The following TRPM1 variants were observed in gnomAD, a reference collection of about 807,000 sequenced individuals.
The protein encoded by TRPM1 is transient receptor potential cation channel subfamily M member 1, also known as TRPM1-203 APA Isoform, Intron 10.
Under a neutral mutation model 149.4 loss-of-function variants are expected in TRPM1, and 113 were observed. That is an observed-to-expected ratio of 0.76 (90% CI 0.65 to 0.88). TRPM1 has a LOEUF of 0.88. Ranked by LOEUF, TRPM1 falls within the 40% of genes least tolerant of loss-of-function variation. TRPM1 has a pLI of 0.00. For synonymous variants in TRPM1, 741 were observed against 759.5 expected, an observed-to-expected ratio of 0.98 and a Z score of 0.40; for missense variants, 1,976 against 2,038.7, an observed-to-expected ratio of 0.97 and a Z score of 0.59.
Position 31,152,550 on chromosome 15 carries a change from A to T in TRPM1, c.54+8356T>A, listed in dbSNP as rs142896331. ...CAAAGTTAACCTGAAAAACTAGTTC[A>T]GGCCATGACGGGAAGCAGGGGATTT... On this transcript the variant is annotated intron_variant, in intron 1 of 26. Coordinates refer to the TRPM1 transcript ENST00000542188. Among the ~76,000 whole-genome samples the T allele has an allele frequency of 1.4e-3, 210 of 152,316 alleles. 1 individual carries two copies. The highest frequency in any genetic ancestry group is 0.011 in the South Asian group (52 of 4,830).
intron 27 of TRPM1, among the ~76,000 whole-genome samples, 199 bp downstream of exon 27, chr15:31,025,940 C>T (rs1393057737): frequency 6.6e-6 from 1 of 152,246 alleles, no homozygotes. Flanking sequence ...AAATGTCATT[C>T]CCTTCTATAT....
Position 31,001,616 on chromosome 15 carries a change from T to A in TRPM1, c.*206A>T. On this transcript the variant is annotated 3_prime_UTR_variant, in exon 28 of 28. Coordinates refer to ENST00000256552, the MANE Select transcript of TRPM1 (RefSeq NM_001252024.2). ...TTCGTTACAGTATCATCACTTTCAT[T>A]TGATACTACTGCAACTGAAAAAACT... 1 of 616,026 alleles carries A rather than the reference T, an allele frequency of 1.6e-6. No individual in the cohort carries two copies. The highest frequency in any genetic ancestry group is 2.8e-5 in the East Asian group (1 of 36,298). 38.2% of individuals were successfully genotyped at this position (616,026 alleles called of 1,614,324 possible). A position where few individuals can be genotyped will look rare whatever the true frequency, so the allele number is the denominator to read the frequency against.
chr15:31,144,669 A>G (rs1277177925), intron 1 of TRPM1, among the ~76,000 whole-genome samples: 1 of 151,868 alleles, frequency 6.6e-6, no homozygotes, highest in Non-Finnish European at 1.5e-5. Context: ...GAAAGCTATA[A>G]TACACCTATT....
chr15:31,003,867 T>C (rs1021345450), intron 27 of TRPM1, among the ~76,000 whole-genome samples: 2 of 151,990 alleles, frequency 1.3e-5, no homozygotes, highest in Non-Finnish European at 2.9e-5. Context: ...TTTTTTTTTT[T>C]CAGTTCTTAG....
In TRPM1 at chr15:31,101,642, C is replaced by G. The variant is rs1040690270; in HGVS notation, c.-84+15G>C. ...TGACCTCCCTTCACCTGTGCTTACC[C>G]GCATCTGAGCTTACCTGCCACAGCA... On this transcript the variant is annotated intron_variant, in intron 1 of 27. Coordinates refer to ENST00000256552, the MANE Select transcript of TRPM1 (RefSeq NM_001252024.2). 20 of 985,644 alleles carry G rather than the reference C, an allele frequency of 2.0e-5. No homozygotes were observed. In the South Asian group the frequency reaches 4.7e-4, roughly 23 times the overall value. The allele number at this position is 985,644 out of a possible 1,614,324, so 61.1% of individuals were successfully genotyped here.
intron 27 of TRPM1, among the ~76,000 whole-genome samples, chr15:31,003,852 T>C (rs2141102063): frequency 6.6e-6 from 1 of 150,548 alleles, no homozygotes; most frequent in South Asian, 2.1e-4. Context: ...ATGCCTGCTA[T>C]TAGTTTTTTT....
At chr15:31,146,820 C>T (rs7163512) in intron 1 of TRPM1, among the ~76,000 whole-genome samples, 4,922 of 152,238 alleles carry the variant, frequency 0.032, 259 homozygotes, top group African/African-American at 0.11. Flanking sequence ...AACCCCATCT[C>T]TACTAAAAAT....
Position 31,040,325 on chromosome 15 carries a change from C to T in TRPM1, c.2109G>A (p.Leu703=). 6.2e-7 allele frequency: 1 copy of T among 1,614,172 alleles called. No homozygotes were observed. The highest frequency in any genetic ancestry group is 1.3e-5 in the African/African-American group (1 of 75,018). Residue 703 remains leucine (L), a synonymous_variant, in exon 18 of 28, where the codon TTG becomes TTA. Transcript: ENST00000256552. This position sits in a 1 kb window ranked among gnomAD's most constrained non-coding sequence, Gnocchi z 4.2. ...NNSKDFGQLA[L]ELLDQSYKHD... ...GCTTATAGGACTGGTCTAATAACTCCAAAGCAAGCTGGCCGAAGTCTCTGG... is the reference window on the plus strand; with the variant it reads ...GCTTATAGGACTGGTCTAATAACTCTAAAGCAAGCTGGCCGAAGTCTCTGG...
chr15:31,094,047 A>G (rs1052981519), intron 1 of TRPM1, among the ~76,000 whole-genome samples: 4 of 152,256 alleles, frequency 2.6e-5, no homozygotes, highest in African/African-American at 9.6e-5. Flanking sequence ...GATTTCAGAA[A>G]TAAGTCCATA....
Position 31,067,926 on chromosome 15 carries a change from G to A in TRPM1, c.446C>T (p.Ala149Val). 6.2e-7 allele frequency: 1 copy of A among 1,613,936 alleles called. No homozygotes were observed. Among genetic ancestry groups the A allele is most frequent in the Non-Finnish European group, 8.5e-7 (1 of 1,180,006 alleles). The change falls in exon 5 of 28, where the codon GCT (alanine) becomes GTT (valine). Residue 149 changes from alanine (A) to valine (V), a missense_variant. Transcript: ENST00000256552. Reference sequence around the variant, plus strand: ...GATCCAGGCCCCGGTGGTCATAGCAGCCTTGATCAGGCCTTTCCCAAAGAC... The same window carrying A: ...GATCCAGGCCCCGGTGGTCATAGCAACCTTGATCAGGCCTTTCCCAAAGAC... Reference protein sequence around the residue: ...KQVFGKGLIKAAMTTGAWIFT... With the variant: ...KQVFGKGLIKVAMTTGAWIFT...
intron 11 of TRPM1, among the ~76,000 whole-genome samples, chr15:31,058,322 T>A (rs757141220): frequency 1.1e-4 from 16 of 152,196 alleles, no homozygotes; most frequent in Non-Finnish European, 2.9e-5. Flanking sequence ...GAAATTAAAG[T>A]GTCACCTAAT....
intron 16 of TRPM1, 118 bp from the exon 17 acceptor site, chr15:31,042,361 A>G: frequency 5.9e-6 from 6 of 1,021,670 alleles, no homozygotes; most frequent in Non-Finnish European, 8.7e-6. Context: ...CTTCTGAAGT[A>G]CATCTTACAT....
chr15:31,075,827 T>C (rs2034672745), intron 3 of TRPM1, among the ~76,000 whole-genome samples: 1 of 152,214 alleles, frequency 6.6e-6, no homozygotes, highest in African/African-American at 2.4e-5. Flanking sequence ...CTTTACTTGC[T>C]GTTTGTCTTT....
At chr15:31,008,023 A>G (rs1301765903) in intron 27 of TRPM1, among the ~76,000 whole-genome samples, 1 of 152,160 alleles carries the variant, frequency 6.6e-6, no homozygotes, top group African/African-American at 2.4e-5. Context: ...ATTTTTGTTG[A>G]CTTTGTACTC....
At chr15:31,037,095 C>A (rs1042098924) in intron 20 of TRPM1, among the ~76,000 whole-genome samples, 1 of 152,256 alleles carries the variant, frequency 6.6e-6, no homozygotes. Flanking sequence ...GCCTGCAGCT[C>A]GGCCATTTCC....
chr15:31,009,583 G>A lies in TRPM1; in HGVS notation c.3630-6513C>T, dbSNP rs1032610582. 3.0e-4 allele frequency among the ~76,000 whole-genome samples: 46 copies of A among 152,008 alleles called. 1 individual carries two copies. The highest frequency in any genetic ancestry group is 1.1e-3 in the African/African-American group (44 of 41,356). On this transcript the variant is annotated intron_variant, in intron 27 of 27. Transcript: ENST00000256552. ...ACATTTATTTAATCTGTGGGTTTAC[G>A]TCTTTGATCAAACTTGGGAGGTTTT...
intron 1 of TRPM1, among the ~76,000 whole-genome samples, chr15:31,097,764 G>A (rs764954432): frequency 6.6e-6 from 1 of 152,154 alleles, no homozygotes; most frequent in Non-Finnish European, 1.5e-5. Flanking sequence ...CAAGAGCAGA[G>A]CTGTCCCGCA....
intron 1 of TRPM1, among the ~76,000 whole-genome samples, chr15:31,127,754 A>T (rs1314341366): frequency 6.6e-6 from 1 of 152,116 alleles, no homozygotes; most frequent in Non-Finnish European, 1.5e-5. Flanking sequence ...GAGCATCTAG[A>T]TCTCACAGGA....
intron 24 of TRPM1, among the ~76,000 whole-genome samples, chr15:31,028,684 A>C (rs1332965781): frequency 6.6e-6 from 1 of 151,794 alleles, no homozygotes; most frequent in African/African-American, 2.4e-5. Context: ...CCCGGGAGGC[A>C]GAGCTTGCAG....
Sources: gnomAD v4.1 joint callset for allele counts (sites outside exome capture counted in the v4.1 genomes callset) on GRCh38, gnomAD v4.1.1 for gene constraint, Gnocchi (gnomAD v3.1) non-coding constraint, MANE v1.5 for transcripts, NCBI Gene and HGNC (gene_info 2026-07-23, HGNC 2026-07-21) for gene names.